Variants in CALN1 observed in about 807,000 individuals in gnomAD.
CALN1 encodes calneuron 1.
CALN1 carries 17 observed loss-of-function variants against 30.6 expected under a neutral mutation model. The ratio of observed to expected loss-of-function variants is 0.56; its 90% CI spans 0.38 to 0.83. CALN1 has a LOEUF of 0.83. CALN1 is among the 40% of genes least tolerant of loss of function. The probability of loss-of-function intolerance (pLI) is 0.00; values close to 1 mark genes in which losing one functional copy is unlikely to be tolerated. For missense variants in CALN1, 291 were observed against 354.9 expected (o/e 0.82, Z 1.45); for synonymous variants, 156 against 131.4 (o/e 1.19, Z -1.28).
Position 72,219,158 on chromosome 7 carries a change from G to A in CALN1, c.244+59528C>T, listed in dbSNP as rs535361204. ...TCTAGTGACCCTAAGATCTGACCAC[G>A]GGCATAGAAGAGGAAAAATTCTTCC... On this transcript the variant is annotated intron_variant, in intron 3 of 6. Transcript: ENST00000395275. 3.9e-5 allele frequency among the ~76,000 whole-genome samples: 6 copies of A among 152,236 alleles called. No individual in the cohort carries two copies. The East Asian group carries it at 7.7e-4, about 20-fold the overall frequency.
At chr7:72,340,207 T>G (rs1024731067) in intron 2 of CALN1, among the ~76,000 whole-genome samples, 3 of 152,184 alleles carry the variant, frequency 2.0e-5, no homozygotes, top group Non-Finnish European at 4.4e-5. Context: ...CTTTACCTCC[T>G]TAACTAATCA....
At chr7:72,421,673 G>A (rs910052675) in intron 1 of CALN1, among the ~76,000 whole-genome samples, 10 of 127,148 alleles carry the variant, frequency 7.9e-5, no homozygotes, top group South Asian at 5.5e-4. Context: ...TACAACCTCC[G>A]CCTCACAGGT....
At chr7:72,316,262 T>C (rs1170282259) in intron 2 of CALN1, among the ~76,000 whole-genome samples, 1 of 152,058 alleles carries the variant, frequency 6.6e-6, no homozygotes, top group African/African-American at 2.4e-5. Context: ...TTGTGGACTA[T>C]GATGAATTCG....
At chr7:72,084,437 C>T (rs1805351397) in intron 4 of CALN1, among the ~76,000 whole-genome samples, 1 of 150,076 alleles carries the variant, frequency 6.7e-6, no homozygotes, top group Non-Finnish European at 1.5e-5. Flanking sequence ...GCTCACACTG[C>T]AACCTGCGCC....
intron 2 of CALN1, among the ~76,000 whole-genome samples, chr7:72,309,093 G>A (rs575827406): frequency 6.5e-4 from 99 of 152,284 alleles, no homozygotes; most frequent in African/African-American, 2.2e-3. Context: ...TGGTAGACCA[G>A]GCAGTTTAGC....
At chr7:72,364,084 C>A (rs1008322004) in intron 2 of CALN1, among the ~76,000 whole-genome samples, 1 of 151,556 alleles carries the variant, frequency 6.6e-6, no homozygotes, top group Non-Finnish European at 1.5e-5. Flanking sequence ...AAATACTTTA[C>A]TATAATGGAG....
chr7:72,373,065 G>T (rs73364920), intron 2 of CALN1, among the ~76,000 whole-genome samples: 1 of 152,120 alleles, frequency 6.6e-6, no homozygotes, highest in Non-Finnish European at 1.5e-5. Context: ...AAGATACGAA[G>T]AATGACCATG....
chr7:71,807,021 C>T (rs773084686), intron 6 of CALN1, among the ~76,000 whole-genome samples: 7 of 152,162 alleles, frequency 4.6e-5, no homozygotes, highest in South Asian at 2.1e-4. Context: ...GCATGGTTGA[C>T]GTGGCTGGAC....
chr7:72,116,440 G>A (rs776307127), intron 3 of CALN1, among the ~76,000 whole-genome samples: 5 of 152,190 alleles, frequency 3.3e-5, no homozygotes, highest in Admixed American at 6.5e-5. Flanking sequence ...AAATCTCTGA[G>A]GAAGTATACA....
chr7:72,242,447 A>T (rs1284500674), intron 3 of CALN1, among the ~76,000 whole-genome samples: 1 of 152,116 alleles, frequency 6.6e-6, no homozygotes, highest in Non-Finnish European at 1.5e-5. Flanking sequence ...ACAACTCATT[A>T]TTTTTTGTAC....
chr7:72,333,479 C>T (rs779147832), intron 2 of CALN1, among the ~76,000 whole-genome samples: 17 of 152,188 alleles, frequency 1.1e-4, no homozygotes, highest in Non-Finnish European at 1.9e-4. Flanking sequence ...ATTGAGCGTT[C>T]TGAGAAATCT....
chr7:72,096,086 T>TAA (rs1342962006), intron 4 of CALN1, among the ~76,000 whole-genome samples: 14 of 151,828 alleles, frequency 9.2e-5, no homozygotes, highest in African/African-American at 2.7e-4. Flanking sequence ...GATAGATAGA[T>TAA]AGATAAAGAT....
At chr7:72,216,945 T>C (rs953489102) in intron 3 of CALN1, among the ~76,000 whole-genome samples, 1 of 152,122 alleles carries the variant, frequency 6.6e-6, no homozygotes, top group Non-Finnish European at 1.5e-5. Flanking sequence ...GGTCTTGCTA[T>C]GTTGCCCAGA....
chr7:72,324,302 A>G (rs1332776017), intron 2 of CALN1, among the ~76,000 whole-genome samples: 2 of 151,952 alleles, frequency 1.3e-5, no homozygotes, highest in African/African-American at 4.8e-5. Flanking sequence ...TTCTGGAGGG[A>G]TTTCACCTCC....
intron 2 of CALN1, among the ~76,000 whole-genome samples, chr7:72,401,923 G>A (rs1585668808): frequency 6.6e-6 from 1 of 152,058 alleles, no homozygotes; most frequent in South Asian, 2.1e-4. Context: ...CTTTTCCAGG[G>A]GAAGTGTTCA....
intron 5 of CALN1, among the ~76,000 whole-genome samples, chr7:71,923,649 G>C (rs958145236): frequency 4.3e-4 from 65 of 152,138 alleles, no homozygotes; most frequent in African/African-American, 1.6e-3. Context: ...GGAAGATTTA[G>C]AGCAATGACC....
intron 5 of CALN1, among the ~76,000 whole-genome samples, chr7:71,902,202 T>C (rs1262362442): frequency 6.6e-6 from 1 of 151,086 alleles, no homozygotes; most frequent in Non-Finnish European, 1.5e-5. Context: ...CCAGCCTGGG[T>C]GACAATGCGA....
chr7:72,002,866 G>T (rs1395680132), intron 5 of CALN1, among the ~76,000 whole-genome samples: 2 of 152,140 alleles, frequency 1.3e-5, no homozygotes, highest in Admixed American at 1.3e-4. Context: ...CACAAAAACA[G>T]AGAATAAAAT....
intron 3 of CALN1, among the ~76,000 whole-genome samples, chr7:72,256,593 T>C (rs541561970): frequency 7.5e-6 from 1 of 133,454 alleles, no homozygotes; most frequent in South Asian, 2.8e-4. Context: ...TCCAGTTTTG[T>C]TCAATCAATT....
Sources: allele counts gnomAD v4.1 joint callset (sites outside exome capture counted in the v4.1 genomes callset), GRCh38; gene constraint gnomAD v4.1.1; transcripts MANE v1.5; gene names NCBI Gene and HGNC (gene_info 2026-07-23, HGNC 2026-07-21).